KMT2C: variants seen among roughly 807,000 people sequenced by gnomAD.
KMT2C encodes lysine methyltransferase 2C, also known as histone-lysine N-methyltransferase 2C.
A neutral mutation model predicts 507.9 loss-of-function variants in KMT2C; 88 were observed. The ratio of observed to expected loss-of-function variants is 0.17; its 90% confidence interval spans 0.15 to 0.21. The LOEUF is 0.21. Among genes scored for constraint, KMT2C ranks in the 10% least tolerant of loss-of-function variants. The pLI, the probability that KMT2C is intolerant of heterozygous loss-of-function variation, is 1.00. For synonymous variants in KMT2C, 2,049 were observed against 2,080.8 expected, an observed-to-expected ratio of 0.98 and a Z score of 0.42; for missense variants, 4,954 against 5,957.8, an observed-to-expected ratio of 0.83 and a Z score of 5.55.
At position 152,169,169 on chromosome 7, in the gene KMT2C, AT is replaced by A; in HGVS notation, c.9517+16del. On this transcript the variant is annotated intron_variant, in intron 41 of 58. Coordinates refer to ENST00000262189, the MANE Select transcript of KMT2C (RefSeq NM_170606.3). The stretch of plus-strand genomic sequence containing the variant: ...AGCAATCCCCAGAAAACATTAACTT[AT>A]TAGATTTATACTTACTGACAAAGCC... 1.3e-6 allele frequency: 2 copies of A among 1,495,824 alleles called. No individual in the cohort carries two copies. Among genetic ancestry groups the A allele is most frequent in the Non-Finnish European group, 1.9e-6 (2 of 1,072,148 alleles). 92.7% of individuals were successfully genotyped at this position (1,495,824 alleles called of 1,614,324 possible). A position where few individuals can be genotyped will look rare whatever the true frequency, so the allele number is the denominator to read the frequency against.
intron 23 of KMT2C, among the ~76,000 whole-genome samples, chr7:152,213,024 G>A (rs1201935443): frequency 4.6e-5 from 7 of 152,174 alleles, no homozygotes; most frequent in Non-Finnish European, 8.8e-5. Context: ...CTTCTGCCTG[G>A]GCAACAGAGC....
intron 1 of KMT2C, among the ~76,000 whole-genome samples, chr7:152,418,544 C>T (rs1408958667): frequency 6.6e-6 from 1 of 152,106 alleles, no homozygotes; most frequent in South Asian, 2.1e-4. Context: ...GATTCTCCTG[C>T]CTCAGCCTCC....
rs1005976235 is a variant in KMT2C, at chr7:152,219,261, C to T, written c.3712+1262G>A. Among the ~76,000 whole-genome samples, 27 of 150,596 alleles carry T rather than the reference C, an allele frequency of 1.8e-4. No homozygotes were observed. The South Asian group carries it at 3.1e-3, about 18-fold the overall frequency. On this transcript the variant is annotated intron_variant, in intron 23 of 58. Transcript: ENST00000262189. ...CTGAGATTACAGGCATGAGCCACTG[C>T]GCCTGGCCAGGCAATTCTTATCAAA...
chr7:152,230,771 T>C (rs1302493112), intron 16 of KMT2C, among the ~76,000 whole-genome samples: 1 of 152,198 alleles, frequency 6.6e-6, no homozygotes, highest in Non-Finnish European at 1.5e-5. Flanking sequence ...ATTTTAGATA[T>C]ATCGGTCGAA....
intron 30 of KMT2C, 38 bp downstream of exon 30, chr7:152,194,191 C>A (rs748014630): frequency 1.3e-6 from 2 of 1,555,758 alleles, no homozygotes; most frequent in Non-Finnish European, 1.7e-6. Context: ...GTATGGGGAA[C>A]GCCATTTTCA....
intron 1 of KMT2C, among the ~76,000 whole-genome samples, chr7:152,361,770 T>TA (rs888325076): frequency 2.0e-5 from 3 of 152,036 alleles, no homozygotes; most frequent in East Asian, 1.9e-4. Flanking sequence ...GTCATAATGA[T>TA]AAAAAAATTA....
chr7:152,416,369 C>A (rs1430921730), intron 1 of KMT2C, among the ~76,000 whole-genome samples: 1 of 152,240 alleles, frequency 6.6e-6, no homozygotes, highest in Non-Finnish European at 1.5e-5. Context: ...CACGGTGAAA[C>A]CCCATCTCTA....
chr7:152,243,630 A>G lies in KMT2C; in HGVS notation c.2532+4272T>C, dbSNP rs775768652. Among the ~76,000 whole-genome samples the G allele has an allele frequency of 3.9e-5, 6 of 152,144 alleles. No individual in the cohort carries two copies. The East Asian group carries it at 1.2e-3, about 29-fold the overall frequency. Reference sequence around the variant, plus strand: ...AACACCGTCTCTACTAAAAATATTTAAAAAATTAGCCAGGTGTGTTGACGT... The same window carrying G: ...AACACCGTCTCTACTAAAAATATTTGAAAAATTAGCCAGGTGTGTTGACGT... On this transcript the variant is annotated intron_variant, in intron 14 of 58. Coordinates refer to ENST00000262189, the MANE Select transcript of KMT2C (RefSeq NM_170606.3).
At position 152,138,621 on chromosome 7, in the gene KMT2C, A is replaced by C; in HGVS notation, c.14643+175T>G. On this transcript the variant is annotated intron_variant, in intron 58 of 58. Transcript: ENST00000262189. This position sits in a 1 kb window ranked among gnomAD's most constrained non-coding sequence, Gnocchi z 4.2. ...CAGAGCTGCCATGTGGAGGAAGGTG[A>C]ACTGGAGTGCCTGAAGGGTGAGATA... 4 of 522,680 alleles carry C rather than the reference A, an allele frequency of 7.7e-6. No homozygotes were observed. Among genetic ancestry groups the C allele is most frequent in the Non-Finnish European group, 1.0e-5 (3 of 294,960 alleles). 32.4% of individuals were successfully genotyped at this position (522,680 alleles called of 1,614,324 possible). A position where few individuals can be genotyped will look rare whatever the true frequency, so the allele number is the denominator to read the frequency against.
At chr7:152,255,108 C>CACACA (rs1563604521) in intron 9 of KMT2C, among the ~76,000 whole-genome samples, 1 of 60,678 alleles carries the variant, frequency 1.6e-5, no homozygotes, top group African/African-American at 7.0e-5. Context: ...TCAACTCTCA[C>CACACA]TTATATATAT....
At chr7:152,309,507 C>CTTT (rs60166582) in intron 6 of KMT2C, among the ~76,000 whole-genome samples, 48 of 87,968 alleles carry the variant, frequency 5.5e-4, no homozygotes, top group African/African-American at 1.8e-3. Flanking sequence ...CATAAAATAA[C>CTTT]TTTTTTTTTT....
At chr7:152,240,489 G>A (rs1481057052) in intron 14 of KMT2C, among the ~76,000 whole-genome samples, 3 of 152,186 alleles carry the variant, frequency 2.0e-5, no homozygotes, top group African/African-American at 7.2e-5. Context: ...TCTACAATGA[G>A]GGCATCTTGG....
rs145995670 is a variant in KMT2C at position 152,204,996 on chromosome 7, A to G, written c.3961+110T>C. Reference sequence around the variant, plus strand: ...TCTTATTGAGTAACAATAAGAGGCAATAAGGCTCTTATTGACTGTAACATT... The same window carrying G: ...TCTTATTGAGTAACAATAAGAGGCAGTAAGGCTCTTATTGACTGTAACATT... On this transcript the variant is annotated intron_variant, in intron 25 of 58. Transcript: ENST00000262189. 1,988 of 648,570 alleles carry G rather than the reference A, an allele frequency of 3.1e-3. 46 individuals are homozygous for G. The Admixed American group carries it at 0.047, about 15-fold the overall frequency. The allele number at this position is 648,570 out of a possible 1,614,324, so 40.2% of individuals were successfully genotyped here. A position where few individuals can be genotyped will look rare whatever the true frequency, so the allele number is the denominator to read the frequency against.
At chr7:152,408,116 C>T (rs1345873068) in intron 1 of KMT2C, among the ~76,000 whole-genome samples, 6 of 151,890 alleles carry the variant, frequency 4.0e-5, no homozygotes, top group Non-Finnish European at 2.9e-5. Flanking sequence ...GGCGAAACCC[C>T]GTTTCTACTA....
chr7:152,185,408 T>C (rs1433554805), intron 34 of KMT2C, 150 bp downstream of exon 34: 1 of 596,206 alleles, frequency 1.7e-6, no homozygotes, highest in African/African-American at 1.9e-5. Context: ...CATAAGGAGT[T>C]AGAAAATCAC....
chr7:152,239,545 C>T (rs1332837624), intron 14 of KMT2C, among the ~76,000 whole-genome samples: 1 of 151,980 alleles, frequency 6.6e-6, no homozygotes, highest in Non-Finnish European at 1.5e-5. Flanking sequence ...AATTAAAATG[C>T]CTAAAGTACC....
At chr7:152,228,691 T>C (rs1461491982) in intron 18 of KMT2C, among the ~76,000 whole-genome samples, 1 of 152,214 alleles carries the variant, frequency 6.6e-6, no homozygotes, top group Non-Finnish European at 1.5e-5. Context: ...AAAGGGATCT[T>C]ATTCAATTTC....
intron 25 of KMT2C, among the ~76,000 whole-genome samples, 188 bp downstream of exon 25, chr7:152,204,918 G>C (rs2094257406): frequency 6.6e-6 from 1 of 151,888 alleles, no homozygotes; most frequent in South Asian, 2.1e-4. Context: ...CTGTATTACA[G>C]ATATGAACTC....
rs2093668677 is a variant in KMT2C at position 152,187,760 on chromosome 7, A to T, written c.4748T>A (p.Leu1583Gln). The change falls in exon 32 of 59, where the codon CTG (leucine) becomes CAG (glutamine). Residue 1583 changes from leucine to glutamine, a missense_variant. Leu to Gln is a moderately radical substitution (Grantham distance 113). This residue lies in a region of KMT2C where 195 missense variants were observed against 183.7 expected (regional missense o/e 1.06). Coordinates refer to ENST00000262189, the MANE Select transcript of KMT2C (RefSeq NM_170606.3). ...TTGTGCAATTGCAGAGAAAGTTCCC[A>T]GTCCGCTTCCAGGTGGCAAAGAATT... ...PHNSLPPGSG[L>Q]GTFSAIAQSS... 4 of 1,614,054 alleles carry T rather than the reference A, an allele frequency of 2.5e-6. No homozygotes were observed. Among genetic ancestry groups the T allele is most frequent in the Non-Finnish European group, 3.4e-6 (4 of 1,180,006 alleles).
Sources: allele counts gnomAD v4.1 joint callset (sites outside exome capture counted in the v4.1 genomes callset), GRCh38; gene constraint gnomAD v4.1.1; regional missense constraint gnomAD v4.1.1; non-coding constraint Gnocchi (gnomAD v3.1); transcripts MANE v1.5; gene names NCBI Gene and HGNC (gene_info 2026-07-23, HGNC 2026-07-21).